Variants in SMYD1 observed in about 807,000 individuals in gnomAD.
The protein encoded by SMYD1 is SET and MYND domain containing 1, also known as histone-lysine N-methyltransferase SMYD1.
Under a neutral mutation model 54.0 loss-of-function variants are expected in SMYD1, and 49 were observed. The ratio of observed to expected loss-of-function variants is 0.91; its 90% CI spans 0.72 to 1.15. The LOEUF is 1.15. Ranked by LOEUF, SMYD1 falls within the 50% of genes most tolerant of loss-of-function variation. SMYD1 has a pLI of 0.00. For missense variants in SMYD1, 653 were observed against 639.6 expected (o/e 1.02, Z -0.23); for synonymous variants, 269 against 234.2 (o/e 1.15, Z -1.36).
intron 7 of SMYD1, 66 bp from the exon 8 acceptor site, chr2:88,106,259 C>T: frequency 6.4e-7 from 1 of 1,570,890 alleles, no homozygotes; most frequent in East Asian, 2.3e-5. Flanking sequence ...CCATGATGGT[C>T]GCGTATGTGA....
chr2:88,106,289 G>C lies in SMYD1; in HGVS notation c.982-36G>C, dbSNP rs562322582. 21 of 1,608,406 alleles carry C rather than the reference G, an allele frequency of 1.3e-5. No individual in the cohort carries two copies. In the South Asian group the frequency reaches 2.3e-4, roughly 18 times the overall value. On this transcript the variant is annotated intron_variant, in intron 7 of 9. Coordinates refer to ENST00000419482, the MANE Select transcript of SMYD1 (RefSeq NM_198274.4). ...ATGTGAATTAAACGTGTGCTCTGGT[G>C]CAATGGTAATGGGCAGGGCCTCTGT...
intron 1 of SMYD1, among the ~76,000 whole-genome samples, chr2:88,080,549 A>C (rs1280556428): frequency 6.6e-6 from 1 of 152,182 alleles, no homozygotes; most frequent in East Asian, 1.9e-4. Context: ...GCAGGTTACA[A>C]GGGACAGACA....
intron 3 of SMYD1, among the ~76,000 whole-genome samples, chr2:88,088,413 G>C (rs185932267): frequency 6.6e-6 from 1 of 152,054 alleles, no homozygotes; most frequent in Non-Finnish European, 1.5e-5. Flanking sequence ...AGCTGGGATC[G>C]TCCAACTAAG....
intron 1 of SMYD1, among the ~76,000 whole-genome samples, chr2:88,072,046 C>T (rs915894951): frequency 2.0e-5 from 3 of 150,644 alleles, no homozygotes; most frequent in South Asian, 2.1e-4. Flanking sequence ...TGGTGTATAT[C>T]CTCCTTGTTT....
intron 1 of SMYD1, among the ~76,000 whole-genome samples, chr2:88,079,366 T>G (rs1245392067): frequency 6.6e-6 from 1 of 152,148 alleles, no homozygotes; most frequent in African/African-American, 2.4e-5. Flanking sequence ...AGAAGTGTAT[T>G]AAGTTAGTTA....
intron 1 of SMYD1, among the ~76,000 whole-genome samples, chr2:88,075,172 G>C (rs559404568): frequency 2.0e-5 from 3 of 152,186 alleles, no homozygotes; most frequent in Admixed American, 6.5e-5. Flanking sequence ...GGCACTTTTA[G>C]CTGCAGAGGC....
intron 1 of SMYD1, among the ~76,000 whole-genome samples, chr2:88,081,400 G>C (rs1444558224): frequency 6.6e-6 from 1 of 151,792 alleles, no homozygotes; most frequent in African/African-American, 2.4e-5. Flanking sequence ...AAGCTTGGGA[G>C]GTTCTACTGA....
intron 1 of SMYD1, among the ~76,000 whole-genome samples, chr2:88,074,980 G>C (rs1674027302): frequency 6.6e-6 from 1 of 152,154 alleles, no homozygotes; most frequent in Non-Finnish European, 1.5e-5. Flanking sequence ...AACAGCTGGT[G>C]GTTGGTTATT....
chr2:88,096,511 C>T (rs1435083461), intron 5 of SMYD1, 84 bp from the exon 6 acceptor site: 3 of 1,225,052 alleles, frequency 2.4e-6, no homozygotes, highest in East Asian at 2.4e-5. Flanking sequence ...TCTTTGAGAC[C>T]CAACTCCATG....
chr2:88,102,156 C>T (rs1475933831), intron 6 of SMYD1, among the ~76,000 whole-genome samples: 1 of 151,182 alleles, frequency 6.6e-6, no homozygotes, highest in East Asian at 1.9e-4. Context: ...AAGTTATTTT[C>T]ATTTTGGAAG....
At chr2:88,097,474 C>G (rs558052272) in intron 6 of SMYD1, among the ~76,000 whole-genome samples, 5 of 152,262 alleles carry the variant, frequency 3.3e-5, no homozygotes, top group Admixed American at 2.6e-4. Flanking sequence ...ATGGTGTAAG[C>G]AAGAAGCTAA....
At position 88,106,456 on chromosome 2, in the gene SMYD1, G is replaced by T; in HGVS notation, c.1113G>T (p.Ser371=). The change falls in exon 8 of 10, where the codon TCG becomes TCT. Residue 371 remains serine (S), a synonymous_variant. Transcript: ENST00000419482. Reference sequence around the variant, plus strand: ...ACCTCCAGGCCTTTGAGGAGGCCTCGTTCTATGCCAGGAGGATGGTGGACG... The same window carrying T: ...ACCTCCAGGCCTTTGAGGAGGCCTCTTTCTATGCCAGGAGGATGGTGGACG... ...LSYLQAFEEA[S]FYARRMVDGY... is the part of the protein sequence containing the mutation. The T allele has an allele frequency of 6.2e-7, 1 of 1,614,136 alleles. No homozygotes were observed. Among genetic ancestry groups the T allele is most frequent in the South Asian group, 1.1e-5 (1 of 91,074 alleles).
At chr2:88,088,547 C>T (rs2103994001) in intron 3 of SMYD1, among the ~76,000 whole-genome samples, 1 of 152,234 alleles carries the variant, frequency 6.6e-6, no homozygotes, top group South Asian at 2.1e-4. Context: ...TACTGTGAGG[C>T]CATTCCTGCT....
Position 88,093,562 on chromosome 2 carries a change from C to T in SMYD1, c.698+7C>T. 1 of 1,614,072 alleles carries T rather than the reference C, an allele frequency of 6.2e-7. No individual in the cohort carries two copies. Among genetic ancestry groups the T allele is most frequent in the Non-Finnish European group, 8.5e-7 (1 of 1,179,988 alleles). On this transcript the variant is annotated splice_region_variant and intron_variant, in intron 5 of 9. Coordinates refer to ENST00000419482, the MANE Select transcript of SMYD1 (RefSeq NM_198274.4). ...TGTTTCATACCCAGATGAGGTGGGTCAGTCCTTTCAAGCATCCCTGCTCCT... is the reference window on the plus strand; with the variant it reads ...TGTTTCATACCCAGATGAGGTGGGTTAGTCCTTTCAAGCATCCCTGCTCCT...
Position 88,108,518 on chromosome 2 carries a change from C to A in SMYD1, c.1293C>A (p.His431Gln). 6.3e-7 allele frequency: 1 copy of A among 1,599,454 alleles called. No homozygotes were observed. The highest frequency in any genetic ancestry group is 8.5e-7 in the Non-Finnish European group (1 of 1,173,402). ...TCCTGGTGACACACGGACCCTCCCA[C>A]CCCATCACTAAGGACTTAGAGGCAA... ...AILLVTHGPSHPITKDLEAMR... is the reference protein window; with the variant it reads ...AILLVTHGPSQPITKDLEAMR... The change falls in exon 9 of 10, where the codon CAC becomes CAA. Residue 431 changes from histidine (H) to glutamine (Q), a missense_variant. His to Gln is a conservative substitution (Grantham distance 24, BLOSUM62 0). Coordinates refer to ENST00000419482, the MANE Select transcript of SMYD1 (RefSeq NM_198274.4).
Position 88,096,713 on chromosome 2 carries a change from G to C in SMYD1, c.817G>C (p.Asp273His). The C allele has an allele frequency of 6.2e-7, 1 of 1,614,192 alleles. No individual in the cohort carries two copies. Among genetic ancestry groups the C allele is most frequent in the Non-Finnish European group, 8.5e-7 (1 of 1,180,036 alleles). ...KRQLKKQYYF[D>H]CTCEHCQKKL... Reference sequence around the variant, plus strand: ...GCAGCTGAAGAAGCAGTACTACTTTGACTGCACATGTGAACACTGCCAGAA... The same window carrying C: ...GCAGCTGAAGAAGCAGTACTACTTTCACTGCACATGTGAACACTGCCAGAA... Residue 273 changes from aspartate to histidine, a missense_variant, in exon 6 of 10, where the codon GAC becomes CAC. By Grantham distance (81) the Asp-to-His change is moderately conservative. Transcript: ENST00000419482.
rs3222709 is a variant in SMYD1, at chr2:88,110,200, AGTGT to A, written c.1315-123_1315-120del. Reference sequence around the variant, plus strand: ...CAGGACATTAGGCCCTTGATGAATGAGTGTGTGTGTGTGTGTGTGTGTGTGTGTG... The same window carrying A: ...CAGGACATTAGGCCCTTGATGAATGAGTGTGTGTGTGTGTGTGTGTGTGTG... On this transcript the variant is annotated intron_variant, in intron 9 of 9. Transcript: ENST00000419482. Among the ~76,000 whole-genome samples the A allele has an allele frequency of 2.7e-3, 370 of 139,084 alleles. 1 individual carries two copies. Among genetic ancestry groups the A allele is most frequent in the African/African-American group, 9.1e-3 (325 of 35,810 alleles). 91.2% of individuals were successfully genotyped at this position (139,084 alleles called of 152,430 possible).
rs752019749 is a variant in SMYD1 at position 88,108,461 on chromosome 2, G to A, written c.1236G>A (p.Gly412=). ...GGCATGCTGGTAACATTGAGGTGGG[G>A]CACGGGATGATCTGCAAAGCCTATG... ...TNWHAGNIEV[G]HGMICKAYAI... Residue 412 remains glycine (G), a synonymous_variant, in exon 9 of 10, where the codon GGG becomes GGA. Coordinates refer to ENST00000419482, the MANE Select transcript of SMYD1 (RefSeq NM_198274.4). 4 of 1,612,786 alleles carry A rather than the reference G, an allele frequency of 2.5e-6. No individual in the cohort carries two copies. The South Asian group carries it at 3.3e-5, about 13-fold the overall frequency.
intron 7 of SMYD1, among the ~76,000 whole-genome samples, chr2:88,105,361 A>G (rs1232349519): frequency 7.2e-6 from 1 of 139,506 alleles, no homozygotes; most frequent in Non-Finnish European, 1.6e-5. Context: ...GTATATGTAT[A>G]TATGCGCATG....
Sources: allele counts gnomAD v4.1 joint callset (sites outside exome capture counted in the v4.1 genomes callset), GRCh38; gene constraint gnomAD v4.1.1; transcripts MANE v1.5; gene names NCBI Gene and HGNC (gene_info 2026-07-23, HGNC 2026-07-21).